Variants in PPM1L observed in about 807,000 individuals in gnomAD.
PPM1L encodes protein phosphatase 1L.
In PPM1L, 13 loss-of-function variants were observed where a neutral mutation model predicts 31.4. The observed-to-expected ratio is 0.41, with a 90% CI of 0.27 to 0.66. The LOEUF is 0.66. Ranked by LOEUF, PPM1L falls within the 30% of genes least tolerant of loss-of-function variation. The pLI is 0.29. For synonymous variants in PPM1L, 184 were observed against 175.4 expected (o/e 1.05, Z -0.39); for missense variants, 326 against 453.7 (o/e 0.72, Z 2.56).
chr3:160,972,021 G>A (rs1298152108), intron 2 of PPM1L, among the ~76,000 whole-genome samples: 1 of 152,114 alleles, frequency 6.6e-6, no homozygotes, highest in Non-Finnish European at 1.5e-5. Flanking sequence ...TCCCACCTTG[G>A]CCTGTTAAAG....
At chr3:161,043,579 GC>G (rs879907002) in intron 2 of PPM1L, among the ~76,000 whole-genome samples, 5 of 152,220 alleles carry the variant, frequency 3.3e-5, no homozygotes, top group Non-Finnish European at 7.3e-5. Context: ...ACTGGACTGA[GC>G]AGCTGAAATG....
chr3:160,922,841 A>G (rs1158063895), intron 1 of PPM1L, among the ~76,000 whole-genome samples: 2 of 152,248 alleles, frequency 1.3e-5, no homozygotes, highest in African/African-American at 4.8e-5. Context: ...GAATATAATC[A>G]TAGTTAACAC....
At chr3:160,871,119 AAAATATATAT>A (rs1430859528) in intron 1 of PPM1L, among the ~76,000 whole-genome samples, 1 of 152,182 alleles carries the variant, frequency 6.6e-6, no homozygotes, top group Non-Finnish European at 1.5e-5. Context: ...CCTCAGCTTT[AAAATATATAT>A]AAATGTCAAG....
chr3:161,039,612 T>C (rs1386557435), intron 2 of PPM1L, among the ~76,000 whole-genome samples: 4 of 152,124 alleles, frequency 2.6e-5, no homozygotes, highest in African/African-American at 9.7e-5. Flanking sequence ...AAGCTCTGCC[T>C]CCCGGTTTCA....
intron 1 of PPM1L, among the ~76,000 whole-genome samples, chr3:160,827,661 CTG>C (rs1385243942): frequency 1.3e-5 from 2 of 152,014 alleles, no homozygotes; most frequent in Non-Finnish European, 2.9e-5. Flanking sequence ...AGCTATTAGA[CTG>C]TGTTTTTATG....
At chr3:160,834,076 T>G (rs1337226386) in intron 1 of PPM1L, among the ~76,000 whole-genome samples, 3 of 146,838 alleles carry the variant, frequency 2.0e-5, no homozygotes, top group Admixed American at 7.0e-5. Context: ...TAGGCTGGAG[T>G]GCAGTGGCAC....
At chr3:160,914,987 T>A (rs1714114798) in intron 1 of PPM1L, among the ~76,000 whole-genome samples, 1 of 152,168 alleles carries the variant, frequency 6.6e-6, no homozygotes, top group South Asian at 2.1e-4. Context: ...CCATTCTAAC[T>A]GGTGTGAGAT....
At chr3:161,054,461 A>G (rs1462491738) in intron 2 of PPM1L, among the ~76,000 whole-genome samples, 5 of 152,060 alleles carry the variant, frequency 3.3e-5, no homozygotes, top group African/African-American at 1.2e-4. Context: ...ATTACCCCAC[A>G]GCTCTGGACG....
At chr3:160,885,853 GCA>G (rs1299598165) in intron 1 of PPM1L, among the ~76,000 whole-genome samples, 1 of 152,178 alleles carries the variant, frequency 6.6e-6, no homozygotes, top group Non-Finnish European at 1.5e-5. Flanking sequence ...GGGGCAACCA[GCA>G]CCACAGCTGT....
intron 1 of PPM1L, among the ~76,000 whole-genome samples, chr3:160,910,258 CT>C (rs373955770): frequency 1.5e-4 from 7 of 46,604 alleles, no homozygotes; most frequent in African/African-American, 2.1e-4. Flanking sequence ...TCCCCTTCCC[CT>C]TTCCCCTTCC....
chr3:160,833,435 G>A (rs781553045), intron 1 of PPM1L, among the ~76,000 whole-genome samples: 3 of 152,150 alleles, frequency 2.0e-5, no homozygotes, highest in Non-Finnish European at 4.4e-5. Flanking sequence ...AATCTCACCA[G>A]CATCTGTTGT....
intron 3 of PPM1L, among the ~76,000 whole-genome samples, chr3:161,066,623 G>C: frequency 6.6e-6 from 1 of 152,178 alleles, no homozygotes; most frequent in Non-Finnish European, 1.5e-5. Flanking sequence ...GAAGAATTCT[G>C]TAACTTTTCA....
chr3:161,053,671 A>G (rs995400677), intron 2 of PPM1L, among the ~76,000 whole-genome samples: 2 of 152,178 alleles, frequency 1.3e-5, no homozygotes, highest in Non-Finnish European at 2.9e-5. Context: ...CACTAAAGAG[A>G]TATTTTTTCA....
At chr3:161,019,501 A>G (rs1188523302) in intron 2 of PPM1L, among the ~76,000 whole-genome samples, 4 of 152,142 alleles carry the variant, frequency 2.6e-5, no homozygotes, top group African/African-American at 4.8e-5. Context: ...TCTGGCCACC[A>G]ATTCTTTTTT....
At chr3:161,058,088 A>G (rs1719463984) in intron 2 of PPM1L, among the ~76,000 whole-genome samples, 1 of 133,676 alleles carries the variant, frequency 7.5e-6, no homozygotes, top group Non-Finnish European at 1.7e-5. Flanking sequence ...TTATAATAAA[A>G]TACTTTAGTA....
At chr3:161,042,783 G>A (rs1380160800) in intron 2 of PPM1L, among the ~76,000 whole-genome samples, 1 of 152,126 alleles carries the variant, frequency 6.6e-6, no homozygotes, top group African/African-American at 2.4e-5. Flanking sequence ...CACTTTGGGA[G>A]GCTGAGGCGG....
At chr3:161,037,190 T>G (rs1254559351) in intron 2 of PPM1L, among the ~76,000 whole-genome samples, 1 of 152,112 alleles carries the variant, frequency 6.6e-6, no homozygotes, top group Non-Finnish European at 1.5e-5. Flanking sequence ...GCAGAAGTGA[T>G]GGGATAATAC....
intron 1 of PPM1L, among the ~76,000 whole-genome samples, chr3:160,879,795 T>G (rs1712644581): frequency 6.6e-6 from 1 of 152,172 alleles, no homozygotes; most frequent in African/African-American, 2.4e-5. Context: ...TAATTTGGAT[T>G]TCTAATAAGT....
chr3:160,870,192 A>G, intron 1 of PPM1L, among the ~76,000 whole-genome samples: 1 of 152,168 alleles, frequency 6.6e-6, no homozygotes, highest in East Asian at 1.9e-4. Context: ...CTAGAATGCC[A>G]GGTAAAGGCT....
Sources: allele counts gnomAD v4.1 joint callset (sites outside exome capture counted in the v4.1 genomes callset), GRCh38; gene constraint gnomAD v4.1.1; transcripts MANE v1.5; gene names NCBI Gene and HGNC (gene_info 2026-07-23, HGNC 2026-07-21).